PDE8B: variants seen among roughly 807,000 people sequenced by gnomAD.
PDE8B encodes the protein high affinity cAMP-specific and IBMX-insensitive 3',5'-cyclic phosphodiesterase 8B.
In PDE8B, 26 loss-of-function variants were observed where a neutral mutation model predicts 101.3. That is an observed-to-expected ratio of 0.26 (90% CI 0.19 to 0.36). The LOEUF (loss-of-function observed/expected upper bound fraction) is 0.36, where lower values mean the gene tolerates loss of function less well. Among genes scored for constraint, PDE8B ranks in the 10% least tolerant of loss-of-function variants. The probability of loss-of-function intolerance (pLI) is 1.00; values close to 1 mark genes in which losing one functional copy is unlikely to be tolerated. For synonymous variants in PDE8B, 424 were observed against 429.3 expected, an observed-to-expected ratio of 0.99 and a Z score of 0.15; for missense variants, 810 against 1,163.1, an observed-to-expected ratio of 0.70 and a Z score of 4.42.
chr5:77,372,856 C>T (rs553146477), intron 10 of PDE8B, among the ~76,000 whole-genome samples: 1 of 152,262 alleles, frequency 6.6e-6, no homozygotes, highest in African/African-American at 2.4e-5. Context: ...GGTGAAACAC[C>T]GTCTCTGCTA....
chr5:77,251,255 T>C (rs866486361), intron 1 of PDE8B, among the ~76,000 whole-genome samples: 1 of 152,264 alleles, frequency 6.6e-6, no homozygotes, highest in African/African-American at 2.4e-5. Context: ...GAAGGTCATC[T>C]GTATTTTTTT....
At chr5:77,306,219 A>G (rs1331274204) in intron 1 of PDE8B, among the ~76,000 whole-genome samples, 1 of 152,190 alleles carries the variant, frequency 6.6e-6, no homozygotes, top group African/African-American at 2.4e-5. Flanking sequence ...TAATGCTTCC[A>G]ATTTTGGAGC....
intron 10 of PDE8B, among the ~76,000 whole-genome samples, chr5:77,396,582 C>T (rs4703732): frequency 0.25 from 38,707 of 152,008 alleles, 5,299 homozygotes; most frequent in East Asian, 0.38. Flanking sequence ...CACGTGGCCG[C>T]CCAGGAATCA....
the PDE8B span, among the ~76,000 whole-genome samples, chr5:77,165,970 T>C: frequency 5.6e-5 from 7 of 125,522 alleles, no homozygotes; most frequent in East Asian, 1.2e-3. Flanking sequence ...TGAGTGAGAC[T>C]GCCTCAAAAA....
In PDE8B at chr5:77,288,659, C is replaced by T. The variant is rs139817160; in HGVS notation, c.340-23335C>T. ...GCCTGCATGCCCAGCCTTCACCATC[C>T]TTTGTCATTTGGGTATTAAGTTTGA... On this transcript the variant is annotated intron_variant, in intron 1 of 21. Coordinates refer to ENST00000264917, the MANE Select transcript of PDE8B (RefSeq NM_003719.5). Among the ~76,000 whole-genome samples the T allele has an allele frequency of 1.2e-3, 189 of 152,202 alleles. 1 individual carries two copies. Among genetic ancestry groups the T allele is most frequent in the Non-Finnish European group, 2.3e-3 (154 of 68,002 alleles).
chr5:77,110,428 G>A, the PDE8B span, among the ~76,000 whole-genome samples: 1 of 152,086 alleles, frequency 6.6e-6, no homozygotes, highest in Admixed American at 6.6e-5. Context: ...GAAAACTATG[G>A]GTTTCTAATG....
intron 1 of PDE8B, among the ~76,000 whole-genome samples, chr5:77,311,010 C>A (rs776881054): frequency 2.0e-5 from 3 of 152,096 alleles, no homozygotes; most frequent in Non-Finnish European, 4.4e-5. Context: ...CTCCCATGGC[C>A]CTTGGGTCAC....
intron 8 of PDE8B, among the ~76,000 whole-genome samples, chr5:77,350,687 T>C (rs1013011102): frequency 6.6e-6 from 1 of 152,206 alleles, no homozygotes; most frequent in African/African-American, 2.4e-5. Context: ...CTAGACTCTC[T>C]GAGCCTCAGT....
intron 1 of PDE8B, among the ~76,000 whole-genome samples, chr5:77,285,189 T>C (rs995546349): frequency 1.3e-5 from 2 of 152,242 alleles, no homozygotes; most frequent in Non-Finnish European, 2.9e-5. Flanking sequence ...CAGATGCCTG[T>C]ATAATCTTTT....
intron 1 of PDE8B, among the ~76,000 whole-genome samples, chr5:77,243,333 G>GA (rs1248900212): frequency 1.3e-5 from 2 of 151,516 alleles, no homozygotes; most frequent in Non-Finnish European, 2.9e-5. Flanking sequence ...TTTTTGTTTT[G>GA]AAAAAACACC....
At chr5:77,375,095 A>G (rs1024890865) in intron 10 of PDE8B, among the ~76,000 whole-genome samples, 3 of 152,236 alleles carry the variant, frequency 2.0e-5, no homozygotes, top group Non-Finnish European at 4.4e-5. Context: ...AATAGCTGCC[A>G]TATACGTGAT....
chr5:77,195,953 C>T, the PDE8B span, among the ~76,000 whole-genome samples: 1 of 152,174 alleles, frequency 6.6e-6, no homozygotes, highest in African/African-American at 2.4e-5. Flanking sequence ...AGTTGAAACC[C>T]GTTGTTCAAA....
the PDE8B span, chr5:77,086,810 G>A: frequency 6.6e-6 from 1 of 152,294 alleles, no homozygotes; most frequent in African/African-American, 2.4e-5. Context: ...TTTAATAAAG[G>A]GAGAGCAGGA....
chr5:77,164,965 T>C, the PDE8B span, among the ~76,000 whole-genome samples: 1 of 152,162 alleles, frequency 6.6e-6, no homozygotes, highest in Non-Finnish European at 1.5e-5. Context: ...CAGGTCAAAA[T>C]AGTGGTATAC....
the PDE8B span, among the ~76,000 whole-genome samples, chr5:77,091,855 A>T: frequency 6.6e-6 from 1 of 152,152 alleles, no homozygotes; most frequent in Non-Finnish European, 1.5e-5. Context: ...GATACATGAT[A>T]TTTTCATTAG....
At chr5:77,376,742 G>A (rs1318687059) in intron 10 of PDE8B, among the ~76,000 whole-genome samples, 1 of 152,132 alleles carries the variant, frequency 6.6e-6, no homozygotes, top group African/African-American at 2.4e-5. Flanking sequence ...TCCCTGTGCT[G>A]TCCCCTCGCC....
the PDE8B span, chr5:77,144,937 T>C: frequency 6.6e-6 from 1 of 152,158 alleles, no homozygotes; most frequent in South Asian, 2.1e-4. Context: ...CTTACATCTT[T>C]ATTAATTATT....
intron 2 of PDE8B, among the ~76,000 whole-genome samples, chr5:77,319,244 C>G (rs1290147194): frequency 1.3e-5 from 2 of 152,216 alleles, no homozygotes; most frequent in Admixed American, 1.3e-4. Flanking sequence ...ATGCATAAAG[C>G]ATAAACTTTG....
intron 1 of PDE8B, among the ~76,000 whole-genome samples, chr5:77,222,111 C>T (rs1751220808): frequency 6.6e-6 from 1 of 152,138 alleles, no homozygotes; most frequent in Non-Finnish European, 1.5e-5. Context: ...GAAAGGTGCT[C>T]ACTGACTCCA....
Sources: gnomAD v4.1 joint callset for allele counts (sites outside exome capture counted in the v4.1 genomes callset) on GRCh38, gnomAD v4.1.1 for gene constraint, MANE v1.5 for transcripts, NCBI Gene and HGNC (gene_info 2026-07-23, HGNC 2026-07-21) for gene names.